RAD51B: variants seen among roughly 807,000 people sequenced by gnomAD.
The protein encoded by RAD51B is RAD51 paralog B.
Under a neutral mutation model 42.2 loss-of-function variants are expected in RAD51B, and 38 were observed. The ratio of observed to expected loss-of-function variants is 0.90; its 90% CI spans 0.70 to 1.18. The LOEUF is 1.18. Ranked by LOEUF, RAD51B falls within the 50% of genes most tolerant of loss-of-function variation. The probability of loss-of-function intolerance (pLI) is 0.00; values close to 1 mark genes in which losing one functional copy is unlikely to be tolerated. For missense variants in RAD51B, 373 were observed against 400.7 expected (o/e 0.93, Z 0.59); for synonymous variants, 154 against 145.2 (o/e 1.06, Z -0.43).
chr14:68,330,235 C>A (rs1256831805), intron 8 of RAD51B, among the ~76,000 whole-genome samples: 1 of 152,074 alleles, frequency 6.6e-6, no homozygotes, highest in Non-Finnish European at 1.5e-5. Context: ...CATGGAAAAT[C>A]ACATCTCTGA....
At chr14:68,046,406 C>T (rs1269494040) in intron 7 of RAD51B, among the ~76,000 whole-genome samples, 1 of 152,188 alleles carries the variant, frequency 6.6e-6, no homozygotes, top group Non-Finnish European at 1.5e-5. Flanking sequence ...TGTGAGCCAC[C>T]ATGCTTGGCC....
chr14:68,211,316 A>C (rs1036504931), intron 7 of RAD51B, among the ~76,000 whole-genome samples: 1 of 152,136 alleles, frequency 6.6e-6, no homozygotes. Context: ...AATCTCTCTA[A>C]TCACATTGCC....
chr14:67,990,389 A>C (rs577852446), intron 7 of RAD51B, among the ~76,000 whole-genome samples: 1 of 152,318 alleles, frequency 6.6e-6, no homozygotes, highest in East Asian at 1.9e-4. Context: ...GGCTAATTAT[A>C]CATTATCATT....
intron 9 of RAD51B, among the ~76,000 whole-genome samples, chr14:68,425,184 C>T (rs2084803085): frequency 6.6e-6 from 1 of 152,152 alleles, no homozygotes; most frequent in Admixed American, 6.6e-5. Flanking sequence ...TCAAAGAAAA[C>T]CCACTGAGAT....
At chr14:68,496,749 A>T (rs1156582355) in intron 10 of RAD51B, among the ~76,000 whole-genome samples, 2 of 152,244 alleles carry the variant, frequency 1.3e-5, no homozygotes, top group African/African-American at 2.4e-5. Flanking sequence ...TCAAAATATC[A>T]ACATTAACAG....
At chr14:68,507,431 G>C (rs1458782472) in intron 10 of RAD51B, among the ~76,000 whole-genome samples, 1 of 152,170 alleles carries the variant, frequency 6.6e-6, no homozygotes, top group Non-Finnish European at 1.5e-5. Context: ...GGTAGAGTTT[G>C]ACATAAATAC....
chr14:67,862,707 C>T (rs28396172), intron 4 of RAD51B, among the ~76,000 whole-genome samples: 6,653 of 151,966 alleles, frequency 0.044, 287 homozygotes, highest in African/African-American at 0.11. Context: ...TTTCAATCAC[C>T]GAATCACAAA....
At chr14:67,935,022 A>G (rs1425360476) in intron 7 of RAD51B, among the ~76,000 whole-genome samples, 1 of 152,190 alleles carries the variant, frequency 6.6e-6, no homozygotes, top group Non-Finnish European at 1.5e-5. Flanking sequence ...CTCCACAGTG[A>G]TGAATTCTTT....
intron 7 of RAD51B, among the ~76,000 whole-genome samples, chr14:68,031,959 T>C (rs995282756): frequency 2.6e-5 from 4 of 152,206 alleles, no homozygotes; most frequent in African/African-American, 9.7e-5. Flanking sequence ...GGATTTTGAT[T>C]TTTCTCTGAT....
At position 68,648,070 on chromosome 14, in the gene RAD51B, T is replaced by TAC. The variant is rs1239634825; in HGVS notation, c.1037-2710_1037-2709insCA. Among the ~76,000 whole-genome samples, 4 of 121,744 alleles carry TAC rather than the reference T, an allele frequency of 3.3e-5. 1 individual carries two copies. Among genetic ancestry groups the TAC allele is most frequent in the Admixed American group, 2.6e-4 (3 of 11,586 alleles). The allele number at this position is 121,744 out of a possible 152,430, so 79.9% of individuals were successfully genotyped here. ...ATATAGATGTGTGTGTGTATATATATATACACGTATATATACGTGTGTGTA... is the reference window on the plus strand; with the variant it reads ...ATATAGATGTGTGTGTGTATATATATACATACACGTATATATACGTGTGTGTA... On this transcript the variant is annotated intron_variant, in intron 10 of 11. Transcript: ENST00000488612.
At chr14:68,094,607 T>C (rs2077160924) in intron 7 of RAD51B, among the ~76,000 whole-genome samples, 1 of 151,708 alleles carries the variant, frequency 6.6e-6, no homozygotes, top group African/African-American at 2.4e-5. Flanking sequence ...TAGGAGGAAA[T>C]GGGGGAGTAG....
chr14:67,827,713 C>T (rs557672371), intron 3 of RAD51B, among the ~76,000 whole-genome samples: 1 of 152,290 alleles, frequency 6.6e-6, no homozygotes, highest in South Asian at 2.1e-4. Context: ...TCGTTCAGCT[C>T]CCACTTATAA....
Position 68,592,084 on chromosome 14 carries a change from C to T in RAD51B, c.1037-2401C>T, listed in dbSNP as rs191510054. Among the ~76,000 whole-genome samples the T allele has an allele frequency of 2.7e-4, 41 of 152,184 alleles. 1 individual carries two copies. In the East Asian group the frequency reaches 7.3e-3, roughly 27 times the overall value. ...GGTCAAGCCATTCCTTCCAGATGGC[C>T]GTGATACTGTGTCCCCTCAGTATTA... On this transcript the variant is annotated intron_variant, in intron 10 of 10. Transcript: ENST00000487270.
intron 7 of RAD51B, among the ~76,000 whole-genome samples, chr14:67,909,830 GT>G (rs201319109): frequency 2.2e-4 from 34 of 151,826 alleles, no homozygotes; most frequent in African/African-American, 7.0e-4. Context: ...TTTTAAAAAA[GT>G]TTTTTTTAAA....
At chr14:68,314,817 G>A (rs1266945711) in intron 8 of RAD51B, among the ~76,000 whole-genome samples, 2 of 152,112 alleles carry the variant, frequency 1.3e-5, no homozygotes, top group African/African-American at 2.4e-5. Context: ...CTGGAACCAT[G>A]GGTTCTTAAT....
intron 11 of RAD51B, among the ~76,000 whole-genome samples, chr14:68,670,696 C>T (rs1413660351): frequency 6.6e-6 from 1 of 152,234 alleles, no homozygotes; most frequent in East Asian, 1.9e-4. Flanking sequence ...GCAGGTCCAT[C>T]CACTCTCATC....
chr14:68,041,270 G>A (rs558895537), intron 7 of RAD51B, among the ~76,000 whole-genome samples: 9 of 152,238 alleles, frequency 5.9e-5, no homozygotes, highest in Admixed American at 5.2e-4. Flanking sequence ...CTGTGGAACC[G>A]TGAGCCAACT....
chr14:68,041,905 C>T (rs1247040355), intron 7 of RAD51B, among the ~76,000 whole-genome samples: 8 of 152,116 alleles, frequency 5.3e-5, no homozygotes, highest in Admixed American at 4.6e-4. Flanking sequence ...TGTTGTTGCT[C>T]GTAATTGTAA....
intron 10 of RAD51B, among the ~76,000 whole-genome samples, chr14:68,626,936 A>C (rs1892097238): frequency 6.6e-6 from 1 of 152,168 alleles, no homozygotes; most frequent in East Asian, 1.9e-4. Flanking sequence ...CGAGACAGAA[A>C]ATGAACTCTC....
Sources: gnomAD v4.1 joint callset for allele counts (sites outside exome capture counted in the v4.1 genomes callset) on GRCh38, gnomAD v4.1.1 for gene constraint, MANE v1.5 for transcripts, NCBI Gene and HGNC (gene_info 2026-07-23, HGNC 2026-07-21) for gene names.